Variants in SLC9A9 observed in about 807,000 individuals in gnomAD.
SLC9A9 encodes sodium/hydrogen exchanger 9.
A neutral mutation model predicts 77.8 loss-of-function variants in SLC9A9; 62 were observed. The ratio of observed to expected loss-of-function variants is 0.80; its 90% confidence interval spans 0.65 to 0.98. SLC9A9 has a LOEUF of 0.98. Ranked by LOEUF, SLC9A9 falls within the 50% of genes least tolerant of loss-of-function variation. The pLI is 0.00. For synonymous variants in SLC9A9, 320 were observed against 283.5 expected, an observed-to-expected ratio of 1.13 and a Z score of -1.29; for missense variants, 775 against 774.9, an observed-to-expected ratio of 1.00 and a Z score of 0.00.
chr3:143,670,579 A>C (rs904681047), intron 5 of SLC9A9, among the ~76,000 whole-genome samples: 1 of 152,208 alleles, frequency 6.6e-6, no homozygotes, highest in Non-Finnish European at 1.5e-5. Flanking sequence ...GGAGAGAAAC[A>C]TGGCTCATGG....
At chr3:143,564,280 A>G (rs1425064022) in intron 8 of SLC9A9, among the ~76,000 whole-genome samples, 2 of 152,214 alleles carry the variant, frequency 1.3e-5, no homozygotes, top group Admixed American at 1.3e-4. Context: ...CGTCAGATAC[A>G]GAAGTAGAAA....
At chr3:143,705,575 A>G (rs1399922663) in intron 4 of SLC9A9, among the ~76,000 whole-genome samples, 2 of 152,218 alleles carry the variant, frequency 1.3e-5, no homozygotes, top group Non-Finnish European at 2.9e-5. Context: ...ATAAATATAT[A>G]CAGTATGTAT....
Position 143,308,500 on chromosome 3 carries a change from C to G in SLC9A9, c.1605-39520G>C, listed in dbSNP as rs371813923. Among the ~76,000 whole-genome samples the G allele has an allele frequency of 2.6e-5, 4 of 151,762 alleles. No individual in the cohort carries two copies. The South Asian group carries it at 8.3e-4, about 32-fold the overall frequency. Reference sequence around the variant, plus strand: ...CTGAGGCAGGAGAATGGCATGAACCCAGGAGGTGGAGCTTGCAGTGAGCCG... The same window carrying G: ...CTGAGGCAGGAGAATGGCATGAACCGAGGAGGTGGAGCTTGCAGTGAGCCG... On this transcript the variant is annotated intron_variant, in intron 14 of 15. Coordinates refer to ENST00000316549, the MANE Select transcript of SLC9A9 (RefSeq NM_173653.4).
At chr3:143,322,720 T>C (rs2031460219) in intron 14 of SLC9A9, among the ~76,000 whole-genome samples, 1 of 152,214 alleles carries the variant, frequency 6.6e-6, no homozygotes, top group African/African-American at 2.4e-5. Context: ...ATTTCTGGTG[T>C]ATTAACTAGT....
chr3:143,542,435 C>T (rs1469994139), intron 9 of SLC9A9, among the ~76,000 whole-genome samples: 1 of 152,000 alleles, frequency 6.6e-6, no homozygotes, highest in Non-Finnish European at 1.5e-5. Flanking sequence ...GGCATTGTTG[C>T]CCATGACATT....
At chr3:143,568,908 T>TAAAG (rs142525101) in intron 8 of SLC9A9, among the ~76,000 whole-genome samples, 2,841 of 152,178 alleles carry the variant, frequency 0.019, 92 homozygotes, top group African/African-American at 0.066. Context: ...TTAGAAACTA[T>TAAAG]AAAGAAGTTC....
chr3:143,283,060 G>A (rs1272326157), intron 14 of SLC9A9, among the ~76,000 whole-genome samples: 1 of 152,174 alleles, frequency 6.6e-6, no homozygotes, highest in Non-Finnish European at 1.5e-5. Context: ...CTTGAGGGAG[G>A]GGCAAGTCTC....
At chr3:143,536,607 G>A (rs1235659552) in intron 9 of SLC9A9, among the ~76,000 whole-genome samples, 5 of 152,162 alleles carry the variant, frequency 3.3e-5, no homozygotes, top group Non-Finnish European at 7.3e-5. Flanking sequence ...AGTCACTGTA[G>A]AAGGGAGCTT....
At chr3:143,634,423 C>T (rs1022378682) in intron 6 of SLC9A9, among the ~76,000 whole-genome samples, 4 of 152,036 alleles carry the variant, frequency 2.6e-5, no homozygotes, top group African/African-American at 9.7e-5. Context: ...CCAAATGCGT[C>T]TTCTATGTAT....
At chr3:143,405,990 C>G (rs1161447296) in intron 12 of SLC9A9, among the ~76,000 whole-genome samples, 5 of 152,156 alleles carry the variant, frequency 3.3e-5, no homozygotes, top group Admixed American at 1.3e-4. Context: ...AAGAGAATGT[C>G]TGCCAAGCTC....
intron 4 of SLC9A9, among the ~76,000 whole-genome samples, chr3:143,746,529 G>C (rs1481105642): frequency 6.6e-6 from 1 of 152,060 alleles, no homozygotes; most frequent in African/African-American, 2.4e-5. Flanking sequence ...CCAAAACCTA[G>C]CTCAGTGCCT....
intron 9 of SLC9A9, among the ~76,000 whole-genome samples, chr3:143,550,996 T>C (rs995657400): frequency 3.3e-5 from 5 of 152,192 alleles, no homozygotes; most frequent in Non-Finnish European, 5.9e-5. Context: ...GGAGTCATTG[T>C]AAATGTAATC....
intron 13 of SLC9A9, among the ~76,000 whole-genome samples, chr3:143,370,567 G>GCACA (rs57705324): frequency 0.037 from 5,328 of 143,310 alleles, 115 homozygotes; most frequent in African/African-American, 0.055. Flanking sequence ...GCATGTGCGC[G>GCACA]CACACACACA....
At chr3:143,791,324 A>G (rs1328628543) in intron 4 of SLC9A9, among the ~76,000 whole-genome samples, 1 of 152,226 alleles carries the variant, frequency 6.6e-6, no homozygotes, top group African/African-American at 2.4e-5. Context: ...ATCATATGAA[A>G]CTAATAAAAC....
At chr3:143,509,314 T>C (rs1227829226) in intron 9 of SLC9A9, among the ~76,000 whole-genome samples, 1 of 152,130 alleles carries the variant, frequency 6.6e-6, no homozygotes. Flanking sequence ...CTGATGAAAA[T>C]TATGTTTGCT....
At chr3:143,306,162 A>G (rs371868335) in intron 14 of SLC9A9, among the ~76,000 whole-genome samples, 2 of 152,302 alleles carry the variant, frequency 1.3e-5, no homozygotes, top group African/African-American at 4.8e-5. Flanking sequence ...ATGCTAATGC[A>G]CCATCAGGGA....
At chr3:143,801,403 C>A (rs141036318) in intron 2 of SLC9A9, among the ~76,000 whole-genome samples, 92 of 152,302 alleles carry the variant, frequency 6.0e-4, no homozygotes, top group African/African-American at 2.1e-3. Context: ...CTTCCAAAAT[C>A]TATTTTCTTC....
At chr3:143,721,910 A>AT (rs1469698900) in intron 4 of SLC9A9, among the ~76,000 whole-genome samples, 2 of 152,176 alleles carry the variant, frequency 1.3e-5, no homozygotes, top group Non-Finnish European at 2.9e-5. Flanking sequence ...CAAACACGTT[A>AT]TTTTTTTAAA....
intron 14 of SLC9A9, among the ~76,000 whole-genome samples, chr3:143,292,838 C>T (rs1324374922): frequency 1.3e-5 from 2 of 152,188 alleles, no homozygotes; most frequent in South Asian, 2.1e-4. Context: ...TCCCCGATCC[C>T]TCTGCACGTT....
Sources: allele counts gnomAD v4.1 joint callset (sites outside exome capture counted in the v4.1 genomes callset), GRCh38; gene constraint gnomAD v4.1.1; transcripts MANE v1.5; gene names NCBI Gene and HGNC (gene_info 2026-07-23, HGNC 2026-07-21).